Variants in CNBD1 observed in about 807,000 individuals in gnomAD.
CNBD1 encodes the protein cyclic nucleotide-binding domain-containing protein 1.
Under a neutral mutation model 54.4 loss-of-function variants are expected in CNBD1, and 71 were observed. The ratio of observed to expected loss-of-function variants is 1.30; its 90% confidence interval spans 1.08 to 1.59. The LOEUF (loss-of-function observed/expected upper bound fraction) is 1.59. Ranked by LOEUF, CNBD1 falls within the 40% of genes most tolerant of loss-of-function variation. CNBD1 has a pLI of 0.00. For synonymous variants in CNBD1, 182 were observed against 170.7 expected, an observed-to-expected ratio of 1.07 and a Z score of -0.51; for missense variants, 659 against 518.0, an observed-to-expected ratio of 1.27 and a Z score of -2.64.
At chr8:87,193,144 A>G (rs1813647155) in intron 4 of CNBD1, among the ~76,000 whole-genome samples, 1 of 152,184 alleles carries the variant, frequency 6.6e-6, no homozygotes, top group Non-Finnish European at 1.5e-5. Context: ...ATTGAGAGAA[A>G]CATAAGCTTC....
rs553927476 is a variant in CNBD1, at chr8:86,956,420, G to A, written c.431+16666G>A. Among the ~76,000 whole-genome samples the A allele has an allele frequency of 1.5e-4, 23 of 152,256 alleles. No homozygotes were observed. In the East Asian group the frequency reaches 2.5e-3, roughly 17 times the overall value. On this transcript the variant is annotated intron_variant, in intron 4 of 10. Transcript: ENST00000518476. ...GCATTGAATCTATAAATTACCTTGGGCAGTATGACCATTTTCACGACATTG... is the reference window on the plus strand; with the variant it reads ...GCATTGAATCTATAAATTACCTTGGACAGTATGACCATTTTCACGACATTG...
chr8:86,954,709 T>C (rs1271811888), intron 4 of CNBD1, among the ~76,000 whole-genome samples: 1 of 152,236 alleles, frequency 6.6e-6, no homozygotes, highest in Non-Finnish European at 1.5e-5. Flanking sequence ...TTGAAATACC[T>C]GGTAAGTTAT....
At chr8:87,248,917 G>C (rs1168270946) in intron 6 of CNBD1, among the ~76,000 whole-genome samples, 1 of 152,128 alleles carries the variant, frequency 6.6e-6, no homozygotes, top group Non-Finnish European at 1.5e-5. Context: ...GCCACGTATG[G>C]ACTAAACTAA....
intron 8 of CNBD1, among the ~76,000 whole-genome samples, chr8:87,317,099 G>T (rs558098267): frequency 6.6e-6 from 1 of 151,650 alleles, no homozygotes; most frequent in Non-Finnish European, 1.5e-5. Context: ...TTTTGTGGGG[G>T]TGAACTGTCT....
intron 4 of CNBD1, among the ~76,000 whole-genome samples, chr8:86,956,957 G>A (rs548011698): frequency 4.5e-4 from 68 of 152,272 alleles, no homozygotes; most frequent in African/African-American, 1.6e-3. Context: ...TATGATATTG[G>A]CTGTGGGTCT....
chr8:87,330,287 T>C (rs1020893491), intron 8 of CNBD1, among the ~76,000 whole-genome samples: 6 of 151,712 alleles, frequency 4.0e-5, no homozygotes, highest in Admixed American at 3.9e-4. Context: ...TTAATCTTTT[T>C]GGAAACCAGG....
intron 4 of CNBD1, among the ~76,000 whole-genome samples, chr8:87,092,075 C>A (rs1165798130): frequency 6.6e-6 from 1 of 151,880 alleles, no homozygotes; most frequent in African/African-American, 2.4e-5. Context: ...AAAACTATGA[C>A]AAAGAAAATT....
chr8:87,259,714 A>T (rs1465354581), intron 6 of CNBD1, among the ~76,000 whole-genome samples: 1 of 152,088 alleles, frequency 6.6e-6, no homozygotes. Flanking sequence ...TTAATTGGTT[A>T]TTGGCTTTGG....
At chr8:87,154,914 G>T (rs796175861) in intron 4 of CNBD1, among the ~76,000 whole-genome samples, 1 of 152,144 alleles carries the variant, frequency 6.6e-6, no homozygotes, top group Non-Finnish European at 1.5e-5. Context: ...CGCTAATGGG[G>T]TTGTGGGGAG....
rs1345243708 is a variant in CNBD1 at position 86,866,488 on chromosome 8, C to T, written c.-8C>T. 4 of 1,605,556 alleles carry T rather than the reference C, an allele frequency of 2.5e-6. No homozygotes were observed. The highest frequency in any genetic ancestry group is 1.1e-5 in the South Asian group (1 of 89,354). On this transcript the variant is annotated 5_prime_UTR_variant, in exon 1 of 11. Coordinates refer to ENST00000518476, the MANE Select transcript of CNBD1 (RefSeq NM_173538.3). ...CTCTGGTCATCTATCTGCCTTTGAG[C>T]CATCAAGATGCCGATGTCTTCTCTT...
At chr8:86,986,439 A>G (rs1808609288) in intron 4 of CNBD1, among the ~76,000 whole-genome samples, 1 of 152,074 alleles carries the variant, frequency 6.6e-6, no homozygotes, top group Admixed American at 6.6e-5. Context: ...ATAGTTCACA[A>G]ATATTTTTTT....
chr8:87,421,360 G>T (rs1308728202), intron 2 of CNBD1, among the ~76,000 whole-genome samples: 1 of 150,716 alleles, frequency 6.6e-6, no homozygotes, highest in Non-Finnish European at 1.5e-5. Flanking sequence ...TGCCATGCTG[G>T]TGTGCTGCAC....
intron 3 of CNBD1, among the ~76,000 whole-genome samples, chr8:86,929,459 C>T (rs1277099949): frequency 6.6e-6 from 1 of 152,138 alleles, no homozygotes; most frequent in African/African-American, 2.4e-5. Context: ...CATAACCTGC[C>T]CTTCATATCC....
At chr8:87,323,393 G>A (rs1002354777) in intron 8 of CNBD1, among the ~76,000 whole-genome samples, 1 of 139,694 alleles carries the variant, frequency 7.2e-6, no homozygotes, top group African/African-American at 2.7e-5. Flanking sequence ...AATTACCTTG[G>A]GCAGTACGGC....
At chr8:87,132,307 T>C (rs1812135104) in intron 4 of CNBD1, among the ~76,000 whole-genome samples, 1 of 151,806 alleles carries the variant, frequency 6.6e-6, no homozygotes, top group African/African-American at 2.4e-5. Flanking sequence ...CATTACTAAT[T>C]GTGTTAACAT....
chr8:87,285,891 A>T (rs1017086426), intron 7 of CNBD1, among the ~76,000 whole-genome samples: 2 of 152,164 alleles, frequency 1.3e-5, no homozygotes, highest in Admixed American at 6.6e-5. Flanking sequence ...AAATAAATAA[A>T]AAATAATGGG....
intron 4 of CNBD1, among the ~76,000 whole-genome samples, chr8:86,954,409 G>T (rs919358748): frequency 4.4e-4 from 67 of 152,208 alleles, no homozygotes; most frequent in African/African-American, 1.5e-3. Context: ...TCAATTTACA[G>T]AAAAACCAAA....
chr8:87,234,639 T>G (rs895578434), intron 5 of CNBD1, among the ~76,000 whole-genome samples: 3 of 152,188 alleles, frequency 2.0e-5, no homozygotes, highest in Non-Finnish European at 2.9e-5. Flanking sequence ...CATCTAGGCT[T>G]GGTTGTTCCA....
At chr8:87,286,366 T>C (rs1369314440) in intron 7 of CNBD1, among the ~76,000 whole-genome samples, 173 bp from the exon 8 acceptor site, 1 of 152,144 alleles carries the variant, frequency 6.6e-6, no homozygotes, top group East Asian at 1.9e-4. Flanking sequence ...AGATTAACAT[T>C]TTAATATGTC....
Sources: allele counts gnomAD v4.1 joint callset (sites outside exome capture counted in the v4.1 genomes callset), GRCh38; gene constraint gnomAD v4.1.1; transcripts MANE v1.5; gene names NCBI Gene and HGNC (gene_info 2026-07-23, HGNC 2026-07-21).